LYPD6: variants seen among roughly 807,000 people sequenced by gnomAD.
LYPD6 encodes the protein ly6/PLAUR domain-containing protein 6.
A neutral mutation model predicts 22.7 loss-of-function variants in LYPD6; 15 were observed. That is an observed-to-expected ratio of 0.66 (90% CI 0.44 to 1.02). The LOEUF is 1.02. Ranked by LOEUF, LYPD6 falls within the 50% of genes least tolerant of loss-of-function variation. The pLI, the probability that LYPD6 is intolerant of heterozygous loss-of-function variation, is 0.00. For synonymous variants in LYPD6, 72 were observed against 77.5 expected (o/e 0.93, Z 0.37); for missense variants, 189 against 208.4 (o/e 0.91, Z 0.57).
chr2:149,355,822 A>G (rs1002509206), intron 1 of LYPD6, among the ~76,000 whole-genome samples: 1 of 152,030 alleles, frequency 6.6e-6, no homozygotes, highest in East Asian at 1.9e-4. Context: ...GCTCAAATTA[A>G]CTTAGGAACA....
Position 149,472,252 on chromosome 2 carries a change from T to C in LYPD6, c.*1402T>C, listed in dbSNP as rs1681352890. On this transcript the variant is annotated 3_prime_UTR_variant, in exon 5 of 5. Coordinates refer to ENST00000334166, the MANE Select transcript of LYPD6 (RefSeq NM_194317.5). The stretch of plus-strand genomic sequence containing the variant: ...TTTATTGAAAGTTATCTATAATACT[T>C]GCACCAGTGTTGAAAAAAGTTAACA... The C allele has an allele frequency of 6.6e-6, 1 of 152,214 alleles. No individual in the cohort carries two copies. Among genetic ancestry groups the C allele is most frequent in the Non-Finnish European group, 1.5e-5 (1 of 68,042 alleles). 9.4% of individuals were successfully genotyped at this position (152,214 alleles called of 1,614,324 possible).
chr2:149,362,105 C>A (rs72991468), intron 1 of LYPD6, among the ~76,000 whole-genome samples: 3,310 of 152,200 alleles, frequency 0.022, 97 homozygotes, highest in African/African-American at 0.074. Context: ...CCAGTAAGAC[C>A]CATATTGGAC....
chr2:149,381,466 C>A (rs1002065914), intron 1 of LYPD6, among the ~76,000 whole-genome samples: 6 of 152,094 alleles, frequency 3.9e-5, no homozygotes, highest in African/African-American at 1.4e-4. Context: ...GCAAGATTCT[C>A]ACAGGTAGAG....
At chr2:149,442,926 G>A (rs16826991) in intron 2 of LYPD6, among the ~76,000 whole-genome samples, 41,121 of 152,010 alleles carry the variant, frequency 0.27, 6,731 homozygotes, top group African/African-American at 0.47. Context: ...AATGTGCACA[G>A]ATATGGAGCT....
chr2:149,437,919 T>G (rs565723370), intron 2 of LYPD6, 93 bp downstream of exon 2: 3 of 1,380,222 alleles, frequency 2.2e-6, no homozygotes, highest in Non-Finnish European at 3.1e-6. Context: ...TTCAGTATAG[T>G]GAAAACCTCC....
At chr2:149,408,172 C>T (rs948281462) in intron 1 of LYPD6, among the ~76,000 whole-genome samples, 13 of 152,250 alleles carry the variant, frequency 8.5e-5, no homozygotes, top group East Asian at 3.9e-4. Flanking sequence ...TTAGGCTGCT[C>T]GGGGGTCAGG....
chr2:149,422,745 G>A (rs376380171), intron 1 of LYPD6, among the ~76,000 whole-genome samples: 4 of 151,886 alleles, frequency 2.6e-5, no homozygotes, highest in Non-Finnish European at 4.4e-5. Context: ...TTTGACCAAC[G>A]TCTCCCATCT....
chr2:149,471,599 G>GCAC lies in LYPD6; in HGVS notation c.*751_*753dup, dbSNP rs1681336073. 6.6e-6 allele frequency: 1 copy of GCAC among 152,116 alleles called. No homozygotes were observed. The highest frequency in any genetic ancestry group is 2.4e-5 in the African/African-American group (1 of 41,392). The allele number at this position is 152,116 out of a possible 1,614,324, so 9.4% of individuals were successfully genotyped here. A position where few individuals can be genotyped will look rare whatever the true frequency, so the allele number is the denominator to read the frequency against. On this transcript the variant is annotated 3_prime_UTR_variant, in exon 5 of 5. Coordinates refer to ENST00000334166, the MANE Select transcript of LYPD6 (RefSeq NM_194317.5). ...TGAGATCAGCCTTCTCCTTGACTTG[G>GCAC]CACCTAATTATGCTTCATGAGATCC...
chr2:149,450,687 T>C (rs1462036858), intron 3 of LYPD6, among the ~76,000 whole-genome samples: 1 of 152,222 alleles, frequency 6.6e-6, no homozygotes, highest in East Asian at 1.9e-4. Flanking sequence ...ATTACCACTG[T>C]GGAATGAACA....
intron 1 of LYPD6, among the ~76,000 whole-genome samples, chr2:149,347,652 G>A (rs1301040105): frequency 6.6e-6 from 1 of 152,004 alleles, no homozygotes; most frequent in Admixed American, 6.6e-5. Context: ...TTTTGAGTGG[G>A]TATTTGTGTC....
chr2:149,399,199 C>CT (rs55833307), intron 1 of LYPD6, among the ~76,000 whole-genome samples: 1,880 of 151,912 alleles, frequency 0.012, 12 homozygotes, highest in African/African-American at 0.02. Context: ...AAAAATACAT[C>CT]TTTTTTTTAT....
Position 149,367,526 on chromosome 2 carries a change from G to A in LYPD6, c.-72+36804G>A, listed in dbSNP as rs1261337877. Among the ~76,000 whole-genome samples, 13 of 152,166 alleles carry A rather than the reference G, an allele frequency of 8.5e-5. 1 individual carries two copies. The highest frequency in any genetic ancestry group is 7.9e-4 in the Admixed American group (12 of 15,272). The stretch of plus-strand genomic sequence containing the variant: ...TACACAAGCGCATTAACACCAGATC[G>A]AGGGGCACCTTAGGATCCTAGGCCA... On this transcript the variant is annotated intron_variant, in intron 1 of 4. Coordinates refer to ENST00000334166, the MANE Select transcript of LYPD6 (RefSeq NM_194317.5).
intron 1 of LYPD6, among the ~76,000 whole-genome samples, chr2:149,345,635 T>C (rs111331449): frequency 2.0e-5 from 3 of 152,176 alleles, no homozygotes; most frequent in African/African-American, 7.2e-5. Context: ...TTTTTAAGAA[T>C]ATTTGTCAAA....
intron 1 of LYPD6, among the ~76,000 whole-genome samples, chr2:149,375,061 A>C (rs1681887599): frequency 6.6e-6 from 1 of 152,196 alleles, no homozygotes; most frequent in African/African-American, 2.4e-5. Flanking sequence ...GGGGTTGTCC[A>C]TGATTCATCA....
intron 3 of LYPD6, among the ~76,000 whole-genome samples, chr2:149,453,567 C>T (rs549343554): frequency 2.6e-5 from 4 of 152,284 alleles, no homozygotes; most frequent in South Asian, 4.1e-4. Flanking sequence ...CTTCTATGCT[C>T]TTCACTGTTT....
chr2:149,359,502 A>G (rs1474947254), intron 1 of LYPD6, among the ~76,000 whole-genome samples: 1 of 152,260 alleles, frequency 6.6e-6, no homozygotes, highest in Non-Finnish European at 1.5e-5. Context: ...ACATATAAAC[A>G]TTAGAAGGGA....
At chr2:149,360,110 T>C (rs1312024997) in intron 1 of LYPD6, among the ~76,000 whole-genome samples, 3 of 152,220 alleles carry the variant, frequency 2.0e-5, no homozygotes, top group Non-Finnish European at 4.4e-5. Flanking sequence ...CTGATGTTGC[T>C]ATGGCATTTG....
chr2:149,350,144 G>T (rs1681332451), intron 1 of LYPD6, among the ~76,000 whole-genome samples: 1 of 152,080 alleles, frequency 6.6e-6, no homozygotes, highest in South Asian at 2.1e-4. Flanking sequence ...CCTCATAAAA[G>T]AATACAAAGG....
At chr2:149,360,465 C>CTAGT (rs754973193) in intron 1 of LYPD6, among the ~76,000 whole-genome samples, 170 of 152,328 alleles carry the variant, frequency 1.1e-3, no homozygotes, top group Non-Finnish European at 2.0e-3. Flanking sequence ...TGCACTTGAG[C>CTAGT]TAGTCATTTC....
Sources: allele counts gnomAD v4.1 joint callset (sites outside exome capture counted in the v4.1 genomes callset), GRCh38; gene constraint gnomAD v4.1.1; transcripts MANE v1.5; gene names NCBI Gene and HGNC (gene_info 2026-07-23, HGNC 2026-07-21).